Variants in PRR16 observed in about 807,000 individuals in gnomAD.
PRR16 encodes proline rich 16, also known as protein Largen.
In PRR16, 6 loss-of-function variants were observed where a neutral mutation model predicts 18.2. The observed-to-expected ratio is 0.33, with a 90% CI of 0.18 to 0.65. The LOEUF is 0.65. Among genes scored for constraint, PRR16 ranks in the 30% least tolerant of loss-of-function variants. PRR16 has a pLI of 0.74. For missense variants in PRR16, 412 were observed against 376.6 expected, an observed-to-expected ratio of 1.09 and a Z score of -0.78; for synonymous variants, 151 against 147.8, an observed-to-expected ratio of 1.02 and a Z score of -0.16.
the PRR16 span, among the ~76,000 whole-genome samples, chr5:120,708,175 G>T: frequency 6.6e-6 from 1 of 152,262 alleles, no homozygotes; most frequent in East Asian, 1.9e-4. Flanking sequence ...CCTAAATTTA[G>T]TAGCCTTCAG....
the PRR16 span, among the ~76,000 whole-genome samples, chr5:120,756,702 G>A: frequency 6.6e-6 from 1 of 151,834 alleles, no homozygotes; most frequent in Non-Finnish European, 1.5e-5. Context: ...GACCTTTGTT[G>A]GGTTCATAGT....
At chr5:120,671,081 C>G (rs1466452237) in intron 1 of PRR16, among the ~76,000 whole-genome samples, 4 of 151,974 alleles carry the variant, frequency 2.6e-5, no homozygotes, top group Non-Finnish European at 5.9e-5. Context: ...TCTAGCTTGC[C>G]TGCTTATTTA....
At chr5:120,771,051 A>G in the PRR16 span, among the ~76,000 whole-genome samples, 2 of 151,514 alleles carry the variant, frequency 1.3e-5, no homozygotes, top group African/African-American at 4.8e-5. Context: ...ATAATATAAC[A>G]TTCATTTATT....
the PRR16 span, among the ~76,000 whole-genome samples, chr5:120,784,012 G>T: frequency 3.3e-5 from 5 of 152,106 alleles, no homozygotes; most frequent in African/African-American, 1.2e-4. Flanking sequence ...ATGTCCTCCA[G>T]TTCCAACCAT....
chr5:120,605,040 A>G (rs2405956), intron 1 of PRR16, among the ~76,000 whole-genome samples: 3,921 of 152,206 alleles, frequency 0.026, 164 homozygotes, highest in African/African-American at 0.089. Context: ...CTTGTGTAGT[A>G]TCTTACAGGC....
At chr5:120,751,381 A>T in the PRR16 span, among the ~76,000 whole-genome samples, 1 of 152,086 alleles carries the variant, frequency 6.6e-6, no homozygotes, top group Non-Finnish European at 1.5e-5. Flanking sequence ...AATAATTTGC[A>T]TATTCCAATC....
intron 1 of PRR16, among the ~76,000 whole-genome samples, chr5:120,617,919 C>A (rs1561576621): frequency 1.3e-5 from 2 of 152,026 alleles, no homozygotes; most frequent in Non-Finnish European, 2.9e-5. Context: ...TTGCAATTTT[C>A]CATTTTCCCA....
chr5:120,698,564 T>C, the PRR16 span, among the ~76,000 whole-genome samples: 1 of 148,876 alleles, frequency 6.7e-6, no homozygotes, highest in Non-Finnish European at 1.5e-5. Flanking sequence ...AATAGGAGTA[T>C]GACTAGACAG....
At chr5:120,474,095 G>T (rs914954366) in intron 1 of PRR16, among the ~76,000 whole-genome samples, 1 of 152,094 alleles carries the variant, frequency 6.6e-6, no homozygotes, top group Non-Finnish European at 1.5e-5. Context: ...GGACGAGCAG[G>T]GCAAGAGTAG....
chr5:120,641,480 G>A (rs968775644), intron 1 of PRR16, among the ~76,000 whole-genome samples: 3 of 152,026 alleles, frequency 2.0e-5, no homozygotes, highest in African/African-American at 7.2e-5. Context: ...CTTTAACTAT[G>A]TTATCCAGCC....
At chr5:120,499,420 A>G (rs2112840570) in intron 1 of PRR16, among the ~76,000 whole-genome samples, 1 of 151,860 alleles carries the variant, frequency 6.6e-6, no homozygotes, top group South Asian at 2.1e-4. Context: ...TGGATTCCCG[A>G]GTCTCTTTTT....
intron 1 of PRR16, among the ~76,000 whole-genome samples, chr5:120,511,564 A>G (rs1423865298): frequency 6.6e-6 from 1 of 152,110 alleles, no homozygotes; most frequent in Admixed American, 6.5e-5. Context: ...TTCTTCATGG[A>G]AGTTTTTGCT....
At chr5:120,494,415 A>G (rs1030156272) in intron 1 of PRR16, among the ~76,000 whole-genome samples, 1 of 151,548 alleles carries the variant, frequency 6.6e-6, no homozygotes, top group Non-Finnish European at 1.5e-5. Context: ...GCCTTAATTG[A>G]TCTTCTTGCC....
At chr5:120,744,876 G>T in the PRR16 span, among the ~76,000 whole-genome samples, 4 of 152,154 alleles carry the variant, frequency 2.6e-5, no homozygotes, top group Admixed American at 6.5e-5. Flanking sequence ...ACTGAAACTA[G>T]ATATAAAACT....
At chr5:120,542,412 C>T (rs1303692219) in intron 1 of PRR16, among the ~76,000 whole-genome samples, 1 of 151,990 alleles carries the variant, frequency 6.6e-6, no homozygotes, top group Non-Finnish European at 1.5e-5. Flanking sequence ...ACTCTTCACC[C>T]TCTATCACTA....
intron 1 of PRR16, among the ~76,000 whole-genome samples, chr5:120,516,746 T>C (rs1007554402): frequency 1.3e-5 from 2 of 152,192 alleles, no homozygotes; most frequent in Non-Finnish European, 2.9e-5. Flanking sequence ...GGATTGGTGA[T>C]ATTTCATAGA....
intron 1 of PRR16, among the ~76,000 whole-genome samples, chr5:120,614,931 A>G (rs1443825607): frequency 1.3e-5 from 2 of 152,166 alleles, no homozygotes; most frequent in African/African-American, 4.8e-5. Context: ...TCTGACACTG[A>G]AGATTAATTA....
At chr5:120,514,907 GTATCTGT>G (rs1416353857) in intron 1 of PRR16, among the ~76,000 whole-genome samples, 1 of 152,008 alleles carries the variant, frequency 6.6e-6, no homozygotes, top group Non-Finnish European at 1.5e-5. Context: ...CTTCCAATTT[GTATCTGT>G]TACCCACTTC....
chr5:120,732,778 A>C, the PRR16 span, among the ~76,000 whole-genome samples: 1 of 152,156 alleles, frequency 6.6e-6, no homozygotes, highest in African/African-American at 2.4e-5. Context: ...TGCAATCTAG[A>C]CCAGTACAGT....
Sources: allele counts gnomAD v4.1 joint callset (sites outside exome capture counted in the v4.1 genomes callset), GRCh38; gene constraint gnomAD v4.1.1; transcripts MANE v1.5; gene names NCBI Gene and HGNC (gene_info 2026-07-23, HGNC 2026-07-21).